ARB2A: variants seen among roughly 807,000 people sequenced by gnomAD.
ARB2A encodes the protein cotranscriptional regulator ARB2A.
At chr5:93,647,302 T>C in the ARB2A span, among the ~76,000 whole-genome samples, 9 of 152,148 alleles carry the variant, frequency 5.9e-5, no homozygotes, top group Non-Finnish European at 1.0e-4. Flanking sequence ...TCTCAGCTCA[T>C]TGCAACCTCT....
the ARB2A span, among the ~76,000 whole-genome samples, chr5:93,761,352 T>C: frequency 6.6e-6 from 1 of 152,190 alleles, no homozygotes; most frequent in African/African-American, 2.4e-5. Context: ...CGGGTCACTC[T>C]CACCCTAATA....
chr5:94,073,759 A>T, the ARB2A span, among the ~76,000 whole-genome samples: 1 of 152,128 alleles, frequency 6.6e-6, no homozygotes, highest in African/African-American at 2.4e-5. Flanking sequence ...AGCATGCAGT[A>T]AAACCTTCTA....
chr5:94,047,320 C>T, the ARB2A span, among the ~76,000 whole-genome samples: 286 of 151,996 alleles, frequency 1.9e-3, 1 homozygote, highest in African/African-American at 6.8e-3. Context: ...GGTGAAACCC[C>T]ATCTCTACTA....
the ARB2A span, among the ~76,000 whole-genome samples, chr5:94,063,814 C>T: frequency 2.6e-5 from 4 of 152,056 alleles, no homozygotes; most frequent in African/African-American, 9.7e-5. Context: ...AGCCAAAGTA[C>T]TCTACTCAAC....
chr5:93,708,973 T>C, the ARB2A span, among the ~76,000 whole-genome samples: 25 of 152,254 alleles, frequency 1.6e-4, no homozygotes, highest in Admixed American at 1.4e-3. Flanking sequence ...AGTAAACTAC[T>C]GTATTATATA....
chr5:93,919,378 A>C, the ARB2A span, among the ~76,000 whole-genome samples: 2 of 152,278 alleles, frequency 1.3e-5, no homozygotes, highest in African/African-American at 4.8e-5. Flanking sequence ...GAGAAGAATC[A>C]ATTTTTTAAA....
At chr5:93,958,033 A>G in the ARB2A span, among the ~76,000 whole-genome samples, 7 of 152,002 alleles carry the variant, frequency 4.6e-5, no homozygotes, top group Admixed American at 2.6e-4. Context: ...GCTGTTCACT[A>G]TGGAACTTAT....
At chr5:94,050,609 A>AC in the ARB2A span, 2 of 747,850 alleles carry the variant, frequency 2.7e-6, no homozygotes, top group Non-Finnish European at 4.2e-6. Context: ...AAAAAAAAAA[A>AC]CAAAAACCTT....
the ARB2A span, among the ~76,000 whole-genome samples, chr5:93,885,951 G>T: frequency 6.6e-6 from 1 of 151,746 alleles, no homozygotes; most frequent in South Asian, 2.1e-4. Context: ...AGGTCAGAGA[G>T]ATCTAAAACA....
At chr5:93,825,685 T>G in the ARB2A span, among the ~76,000 whole-genome samples, 1 of 152,150 alleles carries the variant, frequency 6.6e-6, no homozygotes, top group Admixed American at 6.5e-5. Flanking sequence ...TTTCATAATA[T>G]GCATTTTCCA....
At chr5:93,975,526 T>C in the ARB2A span, among the ~76,000 whole-genome samples, 1 of 151,970 alleles carries the variant, frequency 6.6e-6, no homozygotes, top group Non-Finnish European at 1.5e-5. Flanking sequence ...CTTTGAAAGA[T>C]AAATAAAATT....
the ARB2A span, chr5:93,784,541 T>G: frequency 3.3e-6 from 5 of 1,498,764 alleles, no homozygotes; most frequent in Non-Finnish European, 4.6e-6. Context: ...TATAATTGTT[T>G]TTCCTACTGG....
At chr5:93,937,816 T>C in the ARB2A span, among the ~76,000 whole-genome samples, 12 of 152,320 alleles carry the variant, frequency 7.9e-5, no homozygotes, top group Non-Finnish European at 1.6e-4. Context: ...TCCTTCTGTA[T>C]ACTTTAAATC....
chr5:93,709,377 G>A, the ARB2A span, among the ~76,000 whole-genome samples: 1 of 151,962 alleles, frequency 6.6e-6, no homozygotes, highest in South Asian at 2.1e-4. Context: ...GCTCACACCT[G>A]TAATCCCAGC....
At chr5:93,874,131 G>A in the ARB2A span, among the ~76,000 whole-genome samples, 1 of 152,140 alleles carries the variant, frequency 6.6e-6, no homozygotes, top group African/African-American at 2.4e-5. Flanking sequence ...GTTCCAAACT[G>A]CAGAGTGTAG....
the ARB2A span, among the ~76,000 whole-genome samples, chr5:93,946,719 G>A: frequency 6.6e-6 from 1 of 152,132 alleles, no homozygotes; most frequent in Non-Finnish European, 1.5e-5. Flanking sequence ...ATTAGGAAAA[G>A]ATAACACTTA....
chr5:93,888,939 C>T, the ARB2A span, among the ~76,000 whole-genome samples: 1 of 151,720 alleles, frequency 6.6e-6, no homozygotes, highest in Admixed American at 6.6e-5. Flanking sequence ...TAAGCAACTA[C>T]TATCTACCAA....
the ARB2A span, among the ~76,000 whole-genome samples, chr5:93,909,974 T>C: frequency 6.6e-6 from 1 of 151,078 alleles, no homozygotes; most frequent in African/African-American, 2.4e-5. Context: ...GTATTAACTA[T>C]AGGAATTATA....
At chr5:93,849,189 C>G in the ARB2A span, among the ~76,000 whole-genome samples, 1 of 151,882 alleles carries the variant, frequency 6.6e-6, no homozygotes, top group Admixed American at 6.6e-5. Flanking sequence ...ACAGGCCAAA[C>G]CTTGGGGGTC....
Sources: allele counts gnomAD v4.1 joint callset (sites outside exome capture counted in the v4.1 genomes callset), GRCh38; gene constraint gnomAD v4.1.1; transcripts MANE v1.5; gene names NCBI Gene and HGNC (gene_info 2026-07-23, HGNC 2026-07-21).